KIAA1958: variants seen among roughly 807,000 people sequenced by gnomAD.
KIAA1958 encodes uncharacterized protein KIAA1958.
In KIAA1958, 14 loss-of-function variants were observed where a neutral mutation model predicts 47.2. The ratio of observed to expected loss-of-function variants is 0.30; its 90% CI spans 0.20 to 0.46. The LOEUF (loss-of-function observed/expected upper bound fraction) is 0.46. KIAA1958 is among the 20% of genes least tolerant of loss of function. The pLI is 1.00. For missense variants in KIAA1958, 803 were observed against 909.2 expected (o/e 0.88, Z 1.50); for synonymous variants, 354 against 353.3 (o/e 1.00, Z -0.02).
In KIAA1958 at chr9:112,586,278, C is replaced by T. The variant is rs143777574; in HGVS notation, c.1171+11027C>T. On this transcript the variant is annotated intron_variant, in intron 2 of 3. Coordinates refer to ENST00000337530, the MANE Select transcript of KIAA1958 (RefSeq NM_133465.4). ...GGAAATTAAAAGTGTAGAGGCTAAC[C>T]CATTCCATGTCATAATTTATTCGAA... is the stretch of plus-strand genomic sequence containing the variant. Among the ~76,000 whole-genome samples the T allele has an allele frequency of 1.8e-3, 275 of 152,214 alleles. 3 individuals carry two copies. In the East Asian group the frequency reaches 0.019, roughly 10 times the overall value.
At chr9:112,551,782 A>G (rs1564169369) in intron 1 of KIAA1958, among the ~76,000 whole-genome samples, 1 of 152,186 alleles carries the variant, frequency 6.6e-6, no homozygotes, top group East Asian at 1.9e-4. Flanking sequence ...TACCTGTTGT[A>G]TCATCCTTGA....
chr9:112,558,092 G>T (rs1032593161), intron 1 of KIAA1958, among the ~76,000 whole-genome samples: 7 of 152,040 alleles, frequency 4.6e-5, no homozygotes, highest in Admixed American at 1.3e-4. Context: ...GGGCATCGTG[G>T]TGCGCGCCTG....
At chr9:112,495,348 G>A (rs143751352) in intron 1 of KIAA1958, among the ~76,000 whole-genome samples, 81 of 152,266 alleles carry the variant, frequency 5.3e-4, no homozygotes, top group African/African-American at 1.9e-3. Flanking sequence ...GAAGGTTTCT[G>A]TGATGGAGAT....
intron 1 of KIAA1958, among the ~76,000 whole-genome samples, chr9:112,491,407 G>A (rs1480603683): frequency 6.6e-6 from 1 of 152,210 alleles, no homozygotes; most frequent in African/African-American, 2.4e-5. Context: ...GCACCAGGGA[G>A]TAGCTCCCCC....
chr9:112,583,486 G>A (rs1192719198), intron 2 of KIAA1958, among the ~76,000 whole-genome samples: 1 of 152,096 alleles, frequency 6.6e-6, no homozygotes, highest in Non-Finnish European at 1.5e-5. Context: ...GCCTGTCTTA[G>A]ACTTTCTCAT....
intron 1 of KIAA1958, among the ~76,000 whole-genome samples, chr9:112,553,898 T>C (rs952146601): frequency 6.6e-6 from 1 of 152,216 alleles, no homozygotes. Context: ...GAAATATTTA[T>C]TGAATGAATA....
chr9:112,529,928 C>T (rs1035416739), intron 1 of KIAA1958, among the ~76,000 whole-genome samples: 2 of 152,038 alleles, frequency 1.3e-5, no homozygotes, highest in African/African-American at 4.8e-5. Context: ...ACTGCAAGCT[C>T]TGCCTCCTGG....
intron 1 of KIAA1958, among the ~76,000 whole-genome samples, chr9:112,487,936 A>AGTGC (rs1554718550): frequency 1.1e-5 from 1 of 91,006 alleles, no homozygotes; most frequent in Non-Finnish European, 2.1e-5. Flanking sequence ...ATATGTATTT[A>AGTGC]GTGTGTGTGC....
At chr9:112,613,628 CAG>C (rs34613750) in intron 2 of KIAA1958, among the ~76,000 whole-genome samples, 44,046 of 151,736 alleles carry the variant, frequency 0.29, 6,327 homozygotes, top group Middle Eastern at 0.38. Context: ...CTTCTACAAA[CAG>C]AAAAAAGCAG....
Position 112,645,725 on chromosome 9 carries a change from T to A in KIAA1958, c.1247T>A (p.Val416Glu). The change falls in exon 3 of 4, where the codon GTA (valine) becomes GAA (glutamate). Residue 416 changes from valine (V) to glutamate (E), a missense_variant. Physicochemically the swap from Val to Glu is moderately radical, Grantham distance 121 (BLOSUM62 -2). Coordinates refer to ENST00000337530, the MANE Select transcript of KIAA1958 (RefSeq NM_133465.4). ...DDLNDLCTSAVSPNTTKATRY... is the reference protein window; with the variant it reads ...DDLNDLCTSAESPNTTKATRY... ...TTGAATGATCTGTGTACCAGTGCAGTAAGCCCAAATACTACCAAAGCCACG... is the reference window on the plus strand; with the variant it reads ...TTGAATGATCTGTGTACCAGTGCAGAAAGCCCAAATACTACCAAAGCCACG... The A allele has an allele frequency of 6.2e-7, 1 of 1,614,048 alleles. No individual in the cohort carries two copies. Among genetic ancestry groups the A allele is most frequent in the Non-Finnish European group, 8.5e-7 (1 of 1,179,922 alleles).
At chr9:112,631,880 G>A (rs1197771731) in intron 2 of KIAA1958, among the ~76,000 whole-genome samples, 1 of 152,070 alleles carries the variant, frequency 6.6e-6, no homozygotes, top group Non-Finnish European at 1.5e-5. Flanking sequence ...CTATTTTATA[G>A]TGCTGTTGTT....
chr9:112,518,954 G>A (rs992031500), intron 1 of KIAA1958, among the ~76,000 whole-genome samples: 2 of 151,838 alleles, frequency 1.3e-5, no homozygotes, highest in East Asian at 3.9e-4. Context: ...TTAGAGACAG[G>A]GTCTCAACTC....
intron 1 of KIAA1958, among the ~76,000 whole-genome samples, chr9:112,501,795 C>T (rs1305997733): frequency 6.6e-6 from 1 of 152,096 alleles, no homozygotes; most frequent in Non-Finnish European, 1.5e-5. Context: ...CATGGGGGCT[C>T]ACATGGAGCA....
At chr9:112,524,847 G>A (rs561211545) in intron 1 of KIAA1958, among the ~76,000 whole-genome samples, 10 of 152,150 alleles carry the variant, frequency 6.6e-5, no homozygotes, top group East Asian at 5.8e-4. Flanking sequence ...GGTTCACAGC[G>A]CCCTGATGCT....
chr9:112,555,797 C>T (rs552337688), intron 1 of KIAA1958, among the ~76,000 whole-genome samples: 17 of 152,258 alleles, frequency 1.1e-4, no homozygotes, highest in Middle Eastern at 3.4e-3. Flanking sequence ...CTTCTTGACC[C>T]GGTGCGGTGG....
In KIAA1958 at chr9:112,661,000, TA is replaced by T. The variant is rs1394965461; in HGVS notation, c.*935del. The T allele has an allele frequency of 2.0e-5, 3 of 152,338 alleles. No individual in the cohort carries two copies. Among genetic ancestry groups the T allele is most frequent in the Admixed American group, 2.0e-4 (3 of 15,308 alleles). The allele number at this position is 152,338 out of a possible 1,614,324, so 9.4% of individuals were successfully genotyped here. On this transcript the variant is annotated 3_prime_UTR_variant, in exon 4 of 4. Transcript: ENST00000337530. ...CGGTCAGCATATACCACTGGATCTA[TA>T]AAACAACTAAAGGTAATTTTTAGTC...
chr9:112,580,941 C>T (rs1203400002), intron 2 of KIAA1958, among the ~76,000 whole-genome samples: 1 of 152,148 alleles, frequency 6.6e-6, no homozygotes, highest in African/African-American at 2.4e-5. Flanking sequence ...TTTTTGCCAT[C>T]ATTTTCTTCC....
At chr9:112,588,654 G>A (rs1835869828) in intron 2 of KIAA1958, among the ~76,000 whole-genome samples, 1 of 152,012 alleles carries the variant, frequency 6.6e-6, no homozygotes, top group South Asian at 2.1e-4. Flanking sequence ...TAAAGCTTTT[G>A]GTAGCCTTTC....
In KIAA1958 at chr9:112,659,541, G is replaced by A; in HGVS notation, c.1623G>A (p.Met541Ile). 1 of 1,613,208 alleles carries A rather than the reference G, an allele frequency of 6.2e-7. No homozygotes were observed. Among genetic ancestry groups the A allele is most frequent in the Non-Finnish European group, 8.5e-7 (1 of 1,179,584 alleles). Residue 541 changes from methionine to isoleucine, a missense_variant, in exon 4 of 4, where the codon ATG becomes ATA. By Grantham distance (10) the Met-to-Ile change is conservative. Transcript: ENST00000337530. ...VYFSLSDEEE[M>I]WQAGCLGDDS... ...TCTCCCTTTCTGACGAGGAGGAGATGTGGCAGGCAGGGTGTCTGGGGGATG... is the reference window on the plus strand; with the variant it reads ...TCTCCCTTTCTGACGAGGAGGAGATATGGCAGGCAGGGTGTCTGGGGGATG...
Sources: allele counts gnomAD v4.1 joint callset (sites outside exome capture counted in the v4.1 genomes callset), GRCh38; gene constraint gnomAD v4.1.1; transcripts MANE v1.5; gene names NCBI Gene and HGNC (gene_info 2026-07-23, HGNC 2026-07-21).